CALN1: variants seen among roughly 807,000 people sequenced by gnomAD.
CALN1 encodes calcium-binding protein 8.
In CALN1, 17 loss-of-function variants were observed where a neutral mutation model predicts 30.6. The observed-to-expected ratio is 0.56, with a 90% CI of 0.38 to 0.83. CALN1 has a LOEUF of 0.83. CALN1 is among the 40% of genes least tolerant of loss of function. The probability of loss-of-function intolerance (pLI) is 0.00; values close to 1 mark genes in which losing one functional copy is unlikely to be tolerated. For missense variants in CALN1, 291 were observed against 354.9 expected (o/e 0.82, Z 1.45); for synonymous variants, 156 against 131.4 (o/e 1.19, Z -1.28).
chr7:71,860,774 C>T (rs1791225910), intron 5 of CALN1, among the ~76,000 whole-genome samples: 1 of 152,128 alleles, frequency 6.6e-6, no homozygotes, highest in African/African-American at 2.4e-5. Context: ...AGAAAACAGG[C>T]AGCGAGGAAG....
chr7:72,386,489 T>TA (rs1181054371), intron 2 of CALN1, among the ~76,000 whole-genome samples: 2 of 152,228 alleles, frequency 1.3e-5, no homozygotes, highest in African/African-American at 4.8e-5. Context: ...ACTGTACATG[T>TA]AAACTAGACC....
intron 2 of CALN1, among the ~76,000 whole-genome samples, chr7:72,363,964 A>AC (rs929995667): frequency 1.3e-5 from 2 of 151,996 alleles, no homozygotes; most frequent in African/African-American, 2.4e-5. Context: ...CAAACCCCTG[A>AC]CCTCAGGTGA....
At chr7:72,205,551 A>ATATATATACATACATATATATATATAT (rs1554319582) in intron 3 of CALN1, among the ~76,000 whole-genome samples, 3 of 83,042 alleles carry the variant, frequency 3.6e-5, no homozygotes, top group African/African-American at 1.5e-4. Flanking sequence ...GCAAAAAAAA[A>ATATATATACATACATATATATATATAT]ATATATATAT....
chr7:72,195,772 A>T (rs2129547119), intron 3 of CALN1, among the ~76,000 whole-genome samples: 1 of 152,334 alleles, frequency 6.6e-6, no homozygotes, highest in South Asian at 2.1e-4. Context: ...TGAAGGAATT[A>T]ATCAGTGGAG....
intron 2 of CALN1, among the ~76,000 whole-genome samples, chr7:72,290,079 T>TAAAAAAAA (rs60416266): frequency 9.3e-5 from 3 of 32,120 alleles, no homozygotes; most frequent in Middle Eastern, 0.019. Flanking sequence ...GACCCTGTCT[T>TAAAAAAAA]AAAAAAAAAA....
chr7:72,151,542 C>A (rs1033014971), intron 3 of CALN1, among the ~76,000 whole-genome samples: 1 of 152,188 alleles, frequency 6.6e-6, no homozygotes, highest in Non-Finnish European at 1.5e-5. Context: ...AATAGACCCA[C>A]ACGTCACATT....
intron 3 of CALN1, among the ~76,000 whole-genome samples, chr7:72,171,206 T>C (rs1206544947): frequency 2.0e-5 from 3 of 152,146 alleles, no homozygotes; most frequent in African/African-American, 2.4e-5. Flanking sequence ...AGGTATTGGC[T>C]GGTTTAAACT....
chr7:72,339,222 G>A (rs1156598497), intron 2 of CALN1, among the ~76,000 whole-genome samples: 2 of 152,038 alleles, frequency 1.3e-5, no homozygotes, highest in African/African-American at 4.8e-5. Flanking sequence ...ATTTGTTGAT[G>A]GACACATGGG....
chr7:72,350,918 A>G (rs1473792594), intron 2 of CALN1, among the ~76,000 whole-genome samples: 1 of 152,312 alleles, frequency 6.6e-6, no homozygotes, highest in East Asian at 1.9e-4. Flanking sequence ...AGGTGGGTGG[A>G]TCACCTGAGG....
intron 6 of CALN1, 69 bp from the exon 7 acceptor site, chr7:71,787,971 C>T (rs1232631781): frequency 6.2e-7 from 1 of 1,602,722 alleles, no homozygotes; most frequent in African/African-American, 1.3e-5. Context: ...AGAGAAATAA[C>T]ACAGTGAGAT....
intron 3 of CALN1, among the ~76,000 whole-genome samples, chr7:72,130,798 C>T (rs1214972154): frequency 6.6e-6 from 1 of 152,156 alleles, no homozygotes; most frequent in East Asian, 1.9e-4. Context: ...AAATCATTAA[C>T]AGTGGTTATT....
intron 5 of CALN1, among the ~76,000 whole-genome samples, chr7:71,956,376 G>C (rs1257479781): frequency 6.6e-6 from 1 of 152,048 alleles, no homozygotes; most frequent in African/African-American, 2.4e-5. Context: ...CTGTAGGGGA[G>C]GACTTGGGAG....
intron 4 of CALN1, among the ~76,000 whole-genome samples, chr7:72,081,803 T>C (rs1408763927): frequency 6.6e-6 from 1 of 152,148 alleles, no homozygotes; most frequent in Non-Finnish European, 1.5e-5. Context: ...GCATCTCTCC[T>C]ACCCCAGATA....
intron 3 of CALN1, among the ~76,000 whole-genome samples, chr7:72,253,939 C>G (rs1795738359): frequency 6.6e-6 from 1 of 152,212 alleles, no homozygotes; most frequent in African/African-American, 2.4e-5. Context: ...TGGGGTTTCA[C>G]CATGTTGGCT....
At chr7:71,828,090 A>G (rs1235344899) in intron 5 of CALN1, among the ~76,000 whole-genome samples, 2 of 152,158 alleles carry the variant, frequency 1.3e-5, no homozygotes, top group African/African-American at 4.8e-5. Flanking sequence ...TTCCTCGGGT[A>G]AAATTATAGG....
intron 4 of CALN1, among the ~76,000 whole-genome samples, chr7:72,046,972 C>T (rs1802514022): frequency 6.6e-6 from 1 of 151,900 alleles, no homozygotes; most frequent in Non-Finnish European, 1.5e-5. Flanking sequence ...GCTGAGGTGG[C>T]AAAATCACCT....
At chr7:72,474,320 C>T in the CALN1 span, among the ~76,000 whole-genome samples, 1 of 152,310 alleles carries the variant, frequency 6.6e-6, no homozygotes, top group Middle Eastern at 3.4e-3. Context: ...TTTTTATTAA[C>T]TCCTTGGACA....
intron 5 of CALN1, among the ~76,000 whole-genome samples, chr7:71,844,446 A>G (rs1790117349): frequency 6.6e-6 from 1 of 152,242 alleles, no homozygotes; most frequent in Non-Finnish European, 1.5e-5. Context: ...TAAATTTGGT[A>G]CCAAGCATTA....
chr7:71,852,150 C>T (rs1377865298), intron 5 of CALN1, among the ~76,000 whole-genome samples: 11 of 152,234 alleles, frequency 7.2e-5, no homozygotes, highest in East Asian at 5.8e-4. Context: ...TCATTGCACA[C>T]GTTCACCACA....
Sources: gnomAD v4.1 joint callset for allele counts (sites outside exome capture counted in the v4.1 genomes callset) on GRCh38, gnomAD v4.1.1 for gene constraint, MANE v1.5 for transcripts, NCBI Gene and HGNC (gene_info 2026-07-23, HGNC 2026-07-21) for gene names.